The following DOCK1 variants were observed in gnomAD, a reference collection of about 807,000 sequenced individuals.
DOCK1 encodes dedicator of cytokinesis protein 1.
A neutral mutation model predicts 262.7 loss-of-function variants in DOCK1; 138 were observed. That is an observed-to-expected ratio of 0.53 (90% CI 0.46 to 0.61). The LOEUF is 0.61. DOCK1 is among the 20% of genes least tolerant of loss of function. The pLI, the probability that DOCK1 is intolerant of heterozygous loss-of-function variation, is 0.00. For synonymous variants in DOCK1, 866 were observed against 867.4 expected (o/e 1.00, Z 0.03); for missense variants, 1,908 against 2,370.7 (o/e 0.80, Z 4.05).
At chr10:127,154,760 CT>C (rs1270812315) in intron 27 of DOCK1, among the ~76,000 whole-genome samples, 2 of 152,096 alleles carry the variant, frequency 1.3e-5, no homozygotes, top group African/African-American at 2.4e-5. Flanking sequence ...ATTCTCCCCC[CT>C]AATTAAAAAA....
At chr10:127,154,459 C>T (rs755423284) in intron 27 of DOCK1, among the ~76,000 whole-genome samples, 3 of 152,226 alleles carry the variant, frequency 2.0e-5, no homozygotes, top group East Asian at 1.9e-4. Flanking sequence ...GGAAATGATC[C>T]GAAATTCAAA....
chr10:127,087,802 T>C lies in DOCK1; in HGVS notation c.2446-18429T>C, dbSNP rs180945354. Among the ~76,000 whole-genome samples, 537 of 152,322 alleles carry C rather than the reference T, an allele frequency of 3.5e-3. 3 individuals carry two copies. Among genetic ancestry groups the C allele is most frequent in the South Asian group, 0.012 (57 of 4,830 alleles). ...GGTCATTAAATAGATAAGGAAACTT[T>C]GGCTACAAATACACATCTTGGAATT... On this transcript the variant is annotated intron_variant, in intron 23 of 51. Transcript: ENST00000623213.
At chr10:127,117,498 A>G (rs1309960097) in intron 25 of DOCK1, among the ~76,000 whole-genome samples, 1 of 152,248 alleles carries the variant, frequency 6.6e-6, no homozygotes, top group Non-Finnish European at 1.5e-5. Context: ...AAACATACAA[A>G]TAAATTAAAT....
intron 23 of DOCK1, among the ~76,000 whole-genome samples, chr10:127,063,269 T>C (rs1251666753): frequency 1.3e-5 from 2 of 152,210 alleles, no homozygotes; most frequent in African/African-American, 2.4e-5. Context: ...CTTAAAAATA[T>C]TTTGGTCAAG....
chr10:127,256,884 G>A (rs757022983), intron 28 of DOCK1, among the ~76,000 whole-genome samples: 2 of 152,142 alleles, frequency 1.3e-5, no homozygotes, highest in Non-Finnish European at 2.9e-5. Context: ...GGAGCCTTTC[G>A]TTTTGAAATT....
At chr10:127,053,934 A>G (rs181460064) in intron 22 of DOCK1, among the ~76,000 whole-genome samples, 4 of 152,242 alleles carry the variant, frequency 2.6e-5, no homozygotes, top group Admixed American at 2.6e-4. Flanking sequence ...ATGTCAATGG[A>G]TGTTGGTGGT....
At chr10:127,039,343 C>G (rs1430061210) in intron 19 of DOCK1, among the ~76,000 whole-genome samples, 22 of 152,172 alleles carry the variant, frequency 1.4e-4, no homozygotes, top group Admixed American at 1.2e-3. Context: ...TGTCCTCTTT[C>G]ATTTTGAAGT....
At chr10:127,433,456 C>T (rs749749336) in intron 48 of DOCK1, 28 bp downstream of exon 48, 3 of 1,611,868 alleles carry the variant, frequency 1.9e-6, no homozygotes, top group South Asian at 2.2e-5. Context: ...CAGGGCTGAG[C>T]TGAGCAGTGA....
In DOCK1 at chr10:127,374,133, A is replaced by C; in HGVS notation, c.3594A>C (p.Leu1198Phe). ...GETFVKLVVRLMERLLDYRTI... is the reference protein window; with the variant it reads ...GETFVKLVVRFMERLLDYRTI... ...CTTTTGTAAAACTCGTTGTGCGCTT[A>C]ATGGAAAGGCTTTTGGATTATAGAA... is the stretch of plus-strand genomic sequence containing the variant. Residue 1198 changes from leucine to phenylalanine, a missense_variant, in exon 35 of 52, where the codon TTA (leucine) becomes TTC (phenylalanine). Leu to Phe is a conservative substitution (Grantham distance 22). This residue lies in a region of DOCK1 where 518 missense variants were observed against 575.1 expected (regional missense o/e 0.90). Coordinates refer to ENST00000623213, the MANE Select transcript of DOCK1 (RefSeq NM_001290223.2). The C allele has an allele frequency of 6.2e-7, 1 of 1,613,882 alleles. No individual in the cohort carries two copies. Among genetic ancestry groups the C allele is most frequent in the Non-Finnish European group, 8.5e-7 (1 of 1,179,816 alleles).
chr10:127,142,492 C>A (rs2051360433), intron 27 of DOCK1, among the ~76,000 whole-genome samples: 1 of 152,132 alleles, frequency 6.6e-6, no homozygotes, highest in South Asian at 2.1e-4. Flanking sequence ...TGGAAAAAGT[C>A]CTGATTCTTG....
intron 37 of DOCK1, among the ~76,000 whole-genome samples, chr10:127,382,698 CT>C (rs1273551073): frequency 6.6e-6 from 1 of 152,182 alleles, no homozygotes; most frequent in Non-Finnish European, 1.5e-5. Flanking sequence ...GAAGCTATTT[CT>C]TTTACCCCAG....
At chr10:127,277,555 C>T (rs1389893904) in intron 29 of DOCK1, among the ~76,000 whole-genome samples, 1 of 151,970 alleles carries the variant, frequency 6.6e-6, no homozygotes, top group Non-Finnish European at 1.5e-5. Context: ...GTCAGGAGTT[C>T]GAGACCAGGC....
chr10:127,447,611 A>G, intron 51 of DOCK1, 66 bp downstream of exon 51: 1 of 1,575,566 alleles, frequency 6.3e-7, no homozygotes, highest in South Asian at 1.2e-5. Flanking sequence ...CGAGTCCCTC[A>G]TTCCAGATAC....
intron 27 of DOCK1, among the ~76,000 whole-genome samples, chr10:127,170,772 C>A (rs2054501331): frequency 6.6e-6 from 1 of 152,090 alleles, no homozygotes; most frequent in South Asian, 2.1e-4. Flanking sequence ...TCAATGACTC[C>A]CATTAGTGAC....
intron 35 of DOCK1, 22 bp downstream of exon 35, chr10:127,374,236 T>A (rs2065360927): frequency 6.3e-7 from 1 of 1,594,042 alleles, no homozygotes; most frequent in African/African-American, 1.4e-5. Context: ...CTTAATCACG[T>A]TTTTTCAGTT....
At chr10:127,319,622 T>G (rs183812636) in intron 29 of DOCK1, among the ~76,000 whole-genome samples, 4 of 152,218 alleles carry the variant, frequency 2.6e-5, no homozygotes, top group African/African-American at 9.6e-5. Flanking sequence ...GGAACTGTTA[T>G]ATTGGTGAAT....
intron 27 of DOCK1, among the ~76,000 whole-genome samples, chr10:127,133,885 T>C (rs1163631162): frequency 6.6e-6 from 1 of 152,110 alleles, no homozygotes; most frequent in Non-Finnish European, 1.5e-5. Context: ...TGGCTGCACA[T>C]GCAGTGCCTG....
Position 126,926,722 on chromosome 10 carries a change from T to TGAG in DOCK1, c.46+21162_46+21164dup, listed in dbSNP as rs1178750398. ...AGGGACACGTGAGAACTCAGCCAAG[T>TGAG]GAGGATGGAGGCAGAAGTGGGCGTT... is the stretch of plus-strand genomic sequence containing the variant. On this transcript the variant is annotated intron_variant, in intron 1 of 51. Coordinates refer to ENST00000623213, the MANE Select transcript of DOCK1 (RefSeq NM_001290223.2). Among the ~76,000 whole-genome samples the TGAG allele has an allele frequency of 2.6e-5, 4 of 152,192 alleles. No individual in the cohort carries two copies. In the East Asian group the frequency reaches 7.7e-4, roughly 29 times the overall value.
intron 30 of DOCK1, among the ~76,000 whole-genome samples, chr10:127,343,189 G>A (rs540293314): frequency 1.3e-5 from 2 of 152,318 alleles, no homozygotes; most frequent in East Asian, 1.9e-4. Context: ...AGGTTGCAGT[G>A]AGCCAAGATC....
Sources: gnomAD v4.1 joint callset for allele counts (sites outside exome capture counted in the v4.1 genomes callset) on GRCh38, gnomAD v4.1.1 for gene constraint, gnomAD v4.1.1 regional missense constraint, MANE v1.5 for transcripts, NCBI Gene and HGNC (gene_info 2026-07-23, HGNC 2026-07-21) for gene names.